HECW1: variants seen among roughly 807,000 people sequenced by gnomAD.
The protein encoded by HECW1 is E3 ubiquitin-protein ligase HECW1.
HECW1 carries 61 observed loss-of-function variants against 182.3 expected under a neutral mutation model. That is an observed-to-expected ratio of 0.33 (90% CI 0.27 to 0.41). The LOEUF (loss-of-function observed/expected upper bound fraction) is 0.41, where lower values mean the gene tolerates loss of function less well. HECW1 is among the 10% of genes least tolerant of loss of function. The pLI is 1.00. For synonymous variants in HECW1, 859 were observed against 832.6 expected (o/e 1.03, Z -0.55); for missense variants, 1,739 against 2,108.9 (o/e 0.82, Z 3.44).
intron 3 of HECW1, among the ~76,000 whole-genome samples, chr7:43,253,523 C>A (rs1307486259): frequency 6.6e-6 from 1 of 152,220 alleles, no homozygotes; most frequent in Non-Finnish European, 1.5e-5. Context: ...TTTATTATGG[C>A]TGCTGATAGC....
chr7:43,145,438 G>T (rs915026361), intron 2 of HECW1, among the ~76,000 whole-genome samples: 1 of 152,182 alleles, frequency 6.6e-6, no homozygotes, highest in Non-Finnish European at 1.5e-5. Flanking sequence ...TGGGACCACA[G>T]ATATGTGCCA....
chr7:43,340,513 G>A (rs552990852), intron 5 of HECW1, among the ~76,000 whole-genome samples: 7 of 151,452 alleles, frequency 4.6e-5, no homozygotes, highest in African/African-American at 9.8e-5. Context: ...GAGCCACTGC[G>A]CCCGGCCTCT....
At chr7:43,425,304 T>TGATAGATAGATAGATA (rs60651990) in intron 8 of HECW1, among the ~76,000 whole-genome samples, 11,464 of 148,270 alleles carry the variant, frequency 0.077, 531 homozygotes, top group East Asian at 0.11. Context: ...GATAGATAGA[T>TGATAGATAGATAGATA]GATAGATAGA....
At chr7:43,219,126 G>A (rs533287693) in intron 2 of HECW1, among the ~76,000 whole-genome samples, 5 of 151,822 alleles carry the variant, frequency 3.3e-5, no homozygotes, top group Admixed American at 6.6e-5. Flanking sequence ...AATACAGGGC[G>A]CCATGATGTT....
chr7:43,500,843 C>G lies in HECW1; in HGVS notation c.3521+61C>G, dbSNP rs973744931. Reference sequence around the variant, plus strand: ...TTCCCTGGGCAGCTCTCCTCCATCACGGCCACCCTGAAAATGGCCTAGACT... The same window carrying G: ...TTCCCTGGGCAGCTCTCCTCCATCAGGGCCACCCTGAAAATGGCCTAGACT... On this transcript the variant is annotated intron_variant, in intron 20 of 29. Coordinates refer to ENST00000395891, the MANE Select transcript of HECW1 (RefSeq NM_015052.5). The G allele has an allele frequency of 5.1e-6, 7 of 1,363,398 alleles. No homozygotes were observed. The Admixed American group carries it at 6.7e-5, about 13-fold the overall frequency. The allele number at this position is 1,363,398 out of a possible 1,614,324, so 84.5% of individuals were successfully genotyped here.
At chr7:43,250,485 G>A (rs1799912914) in intron 3 of HECW1, among the ~76,000 whole-genome samples, 1 of 152,210 alleles carries the variant, frequency 6.6e-6, no homozygotes, top group Non-Finnish European at 1.5e-5. Context: ...GTGAGAAGGA[G>A]TGTCAGAAAA....
intron 8 of HECW1, among the ~76,000 whole-genome samples, chr7:43,416,409 G>A (rs1472346548): frequency 1.3e-5 from 2 of 150,828 alleles, no homozygotes; most frequent in African/African-American, 4.9e-5. Flanking sequence ...GCTGCGTGCT[G>A]GGAGAACCAC....
chr7:43,274,297 T>G, intron 3 of HECW1: 1 of 1,043,314 alleles, frequency 9.6e-7, no homozygotes, highest in Non-Finnish European at 1.4e-6. Context: ...CTTCTGGTAC[T>G]TTGTATCTCA....
intron 5 of HECW1, among the ~76,000 whole-genome samples, chr7:43,352,457 C>G (rs1814585420): frequency 1.3e-5 from 2 of 152,004 alleles, no homozygotes; most frequent in Non-Finnish European, 2.9e-5. Context: ...TCTGAATTAC[C>G]TAGTACATTA....
intron 5 of HECW1, among the ~76,000 whole-genome samples, chr7:43,359,985 T>C (rs1164228025): frequency 6.6e-6 from 1 of 152,236 alleles, no homozygotes; most frequent in Non-Finnish European, 1.5e-5. Flanking sequence ...GGAAAAGGAC[T>C]GATGTTGTCA....
At chr7:43,161,527 A>G (rs1244694831) in intron 2 of HECW1, 1 of 152,238 alleles carries the variant, frequency 6.6e-6, no homozygotes, top group Non-Finnish European at 1.5e-5. Context: ...CTTAAATCAG[A>G]AACAGCACCA....
intron 3 of HECW1, chr7:43,311,516 C>T (rs1193769572): frequency 1.4e-6 from 1 of 704,920 alleles, no homozygotes; most frequent in African/African-American, 1.7e-5. Flanking sequence ...GAGGCAGAGA[C>T]TCCAACAAAA....
At chr7:43,172,159 G>A (rs28584118) in intron 2 of HECW1, among the ~76,000 whole-genome samples, 208 of 150,866 alleles carry the variant, frequency 1.4e-3, no homozygotes, top group African/African-American at 4.9e-3. Flanking sequence ...AATGGTGGGG[G>A]TGGGGGGATG....
chr7:43,498,146 G>T (rs991838816), intron 19 of HECW1, among the ~76,000 whole-genome samples: 3 of 152,168 alleles, frequency 2.0e-5, no homozygotes, highest in African/African-American at 7.2e-5. Flanking sequence ...ATGACATGTT[G>T]CCAGACATGA....
At chr7:43,490,945 A>G (rs1472896320) in intron 17 of HECW1, among the ~76,000 whole-genome samples, 1 of 152,116 alleles carries the variant, frequency 6.6e-6, no homozygotes, top group African/African-American at 2.4e-5. Flanking sequence ...TTTAGTGGAA[A>G]TGGGGTTTCA....
At chr7:43,471,572 A>G (rs1200523446) in intron 16 of HECW1, among the ~76,000 whole-genome samples, 2 of 152,178 alleles carry the variant, frequency 1.3e-5, no homozygotes, top group Non-Finnish European at 2.9e-5. Context: ...CTTCAGGAGG[A>G]CCGGGGCAAA....
intron 5 of HECW1, among the ~76,000 whole-genome samples, chr7:43,322,733 A>T (rs891667209): frequency 5.7e-4 from 87 of 152,222 alleles, no homozygotes; most frequent in Non-Finnish European, 1.9e-4. Context: ...GAAAGGATAC[A>T]AACTTGCATG....
intron 5 of HECW1, among the ~76,000 whole-genome samples, chr7:43,326,276 T>A (rs898253278): frequency 6.6e-6 from 1 of 152,124 alleles, no homozygotes; most frequent in Non-Finnish European, 1.5e-5. Context: ...TTACTGACAG[T>A]TTGTAATGAC....
At chr7:43,257,138 A>C (rs1208424933) in intron 3 of HECW1, among the ~76,000 whole-genome samples, 2 of 152,238 alleles carry the variant, frequency 1.3e-5, no homozygotes, top group Non-Finnish European at 2.9e-5. Context: ...CCGAATGCAC[A>C]AGACACAAAG....
Sources: gnomAD v4.1 joint callset for allele counts (sites outside exome capture counted in the v4.1 genomes callset) on GRCh38, gnomAD v4.1.1 for gene constraint, MANE v1.5 for transcripts, NCBI Gene and HGNC (gene_info 2026-07-23, HGNC 2026-07-21) for gene names.